Variants in GNA14 observed in about 807,000 individuals in gnomAD.
GNA14 encodes G protein subunit alpha 14, also known as guanine nucleotide-binding protein subunit alpha-14.
In GNA14, 50 loss-of-function variants were observed where a neutral mutation model predicts 42.0. The observed-to-expected ratio is 1.19, with a 90% confidence interval of 0.95 to 1.51. GNA14 has a LOEUF of 1.51. Among genes scored for constraint, GNA14 ranks in the 40% most tolerant of loss-of-function variants. The pLI is 0.00. For synonymous variants in GNA14, 173 were observed against 163.1 expected (o/e 1.06, Z -0.46); for missense variants, 473 against 446.2 (o/e 1.06, Z -0.54).
intron 2 of GNA14, among the ~76,000 whole-genome samples, chr9:77,453,412 T>C (rs1241235785): frequency 6.6e-6 from 1 of 152,238 alleles, no homozygotes; most frequent in Non-Finnish European, 1.5e-5. Context: ...TCTTCATTAA[T>C]GTACTCCCAC....
intron 2 of GNA14, among the ~76,000 whole-genome samples, chr9:77,457,069 C>T (rs1564019796): frequency 6.6e-6 from 1 of 152,202 alleles, no homozygotes; most frequent in East Asian, 1.9e-4. Context: ...AGAAGCAAGA[C>T]CCAGGGTGCT....
intron 2 of GNA14, among the ~76,000 whole-genome samples, chr9:77,453,777 G>A (rs1218635151): frequency 1.3e-5 from 2 of 152,216 alleles, no homozygotes; most frequent in East Asian, 3.8e-4. Context: ...GCAACATGGA[G>A]TGGGGAGGCC....
chr9:77,483,893 T>C (rs568917301), intron 2 of GNA14, among the ~76,000 whole-genome samples: 1 of 152,282 alleles, frequency 6.6e-6, no homozygotes, highest in African/African-American at 2.4e-5. Flanking sequence ...ATTAGATTTT[T>C]CAAAAAACAA....
At chr9:77,541,450 G>C (rs562470543) in intron 1 of GNA14, among the ~76,000 whole-genome samples, 1 of 151,992 alleles carries the variant, frequency 6.6e-6, no homozygotes, top group African/African-American at 2.4e-5. Flanking sequence ...AACTTTTCTT[G>C]TGCTGTTGTT....
chr9:77,578,737 G>T (rs1191134770), intron 1 of GNA14, among the ~76,000 whole-genome samples: 1 of 152,130 alleles, frequency 6.6e-6, no homozygotes, highest in East Asian at 1.9e-4. Context: ...TTGTAGTTTG[G>T]TTGAAACCTC....
At chr9:77,630,804 A>G (rs971693862) in intron 1 of GNA14, among the ~76,000 whole-genome samples, 1 of 152,198 alleles carries the variant, frequency 6.6e-6, no homozygotes, top group African/African-American at 2.4e-5. Flanking sequence ...ACCCTATCAA[A>G]TATTTGAAAA....
chr9:77,459,435 T>C (rs983217642), intron 2 of GNA14, among the ~76,000 whole-genome samples: 1 of 152,010 alleles, frequency 6.6e-6, no homozygotes, highest in African/African-American at 2.4e-5. Context: ...AAATGACGCC[T>C]GGCCTCGCCT....
intron 2 of GNA14, among the ~76,000 whole-genome samples, chr9:77,521,540 C>A (rs1395083796): frequency 6.6e-6 from 1 of 152,158 alleles, no homozygotes; most frequent in East Asian, 1.9e-4. Context: ...TTAAGAAATT[C>A]TCCTGGAAAT....
chr9:77,464,190 G>T (rs1351628547), intron 2 of GNA14, among the ~76,000 whole-genome samples: 1 of 152,026 alleles, frequency 6.6e-6, no homozygotes, highest in Non-Finnish European at 1.5e-5. Flanking sequence ...TTGTAGAGAT[G>T]GGGTCTTGCC....
intron 1 of GNA14, among the ~76,000 whole-genome samples, chr9:77,604,804 G>A (rs531205076): frequency 1.8e-4 from 27 of 152,314 alleles, no homozygotes; most frequent in Non-Finnish European, 2.4e-4. Context: ...AAAGCACTAC[G>A]TAAACCCCGA....
intron 1 of GNA14, among the ~76,000 whole-genome samples, chr9:77,605,953 T>C (rs1445525975): frequency 6.6e-6 from 1 of 152,218 alleles, no homozygotes; most frequent in Admixed American, 6.5e-5. Flanking sequence ...TGGCAGAGGG[T>C]AATTCCTGAT....
chr9:77,432,695 C>T (rs770651382), intron 3 of GNA14, among the ~76,000 whole-genome samples: 2 of 152,160 alleles, frequency 1.3e-5, no homozygotes, highest in Non-Finnish European at 2.9e-5. Flanking sequence ...CTCTCACCAC[C>T]CTAGCCACGC....
In GNA14 at chr9:77,427,745, C is replaced by T. The variant is rs1038303768; in HGVS notation, c.723+1162G>A. Among the ~76,000 whole-genome samples the T allele has an allele frequency of 2.6e-5, 4 of 152,312 alleles. No homozygotes were observed. In the South Asian group the frequency reaches 6.2e-4, roughly 24 times the overall value. ...TGCTATGGCCACTCTGAGGGGACAA[C>T]GCATGCCTGACCAGGCTGGATCCAT... On this transcript the variant is annotated intron_variant, in intron 5 of 6. Coordinates refer to ENST00000341700, the MANE Select transcript of GNA14 (RefSeq NM_004297.4).
intron 1 of GNA14, among the ~76,000 whole-genome samples, chr9:77,623,204 G>A (rs1476450951): frequency 1.4e-5 from 1 of 73,614 alleles, no homozygotes; most frequent in Non-Finnish European, 2.6e-5. Flanking sequence ...GCAAAAGAGT[G>A]AGACGCTGTC....
intron 1 of GNA14, among the ~76,000 whole-genome samples, chr9:77,616,334 T>C (rs759475758): frequency 7.9e-5 from 12 of 152,212 alleles, no homozygotes; most frequent in Admixed American, 2.0e-4. Context: ...GATTTGGCAA[T>C]GCTAATGGCA....
intron 2 of GNA14, among the ~76,000 whole-genome samples, chr9:77,441,408 GCCT>G (rs1250716568): frequency 6.6e-6 from 1 of 152,106 alleles, no homozygotes; most frequent in Non-Finnish European, 1.5e-5. Context: ...GTTTCCTGAG[GCCT>G]CCTCAGCCAT....
chr9:77,458,907 G>GGGC (rs1564020452), intron 2 of GNA14, among the ~76,000 whole-genome samples: 1 of 147,388 alleles, frequency 6.8e-6, no homozygotes, highest in African/African-American at 2.4e-5. Context: ...AAGCTGGAGG[G>GGGC]GGGGGGGTTG....
chr9:77,638,510 G>A (rs766277070), intron 1 of GNA14, among the ~76,000 whole-genome samples: 3 of 152,156 alleles, frequency 2.0e-5, no homozygotes, highest in African/African-American at 7.2e-5. Flanking sequence ...GTGGGGAACA[G>A]AAAAGAATGT....
intron 2 of GNA14, among the ~76,000 whole-genome samples, chr9:77,478,940 T>C (rs904220509): frequency 5.3e-5 from 8 of 152,214 alleles, no homozygotes; most frequent in African/African-American, 1.9e-4. Flanking sequence ...CTTTGTCAGA[T>C]GAGTAGGTTG....
Sources: gnomAD v4.1 joint callset for allele counts (sites outside exome capture counted in the v4.1 genomes callset) on GRCh38, gnomAD v4.1.1 for gene constraint, MANE v1.5 for transcripts, NCBI Gene and HGNC (gene_info 2026-07-23, HGNC 2026-07-21) for gene names.